PREX1: variants seen among roughly 807,000 people sequenced by gnomAD.
PREX1 encodes the protein phosphatidylinositol 3,4,5-trisphosphate-dependent Rac exchanger 1 protein.
A neutral mutation model predicts 198.3 loss-of-function variants in PREX1; 41 were observed. The ratio of observed to expected loss-of-function variants is 0.21; its 90% CI spans 0.16 to 0.27. The LOEUF is 0.27. PREX1 is among the 10% of genes least tolerant of loss of function. The pLI is 1.00. For synonymous variants in PREX1, 843 were observed against 887.2 expected (o/e 0.95, Z 0.89); for missense variants, 1,620 against 2,200.7 (o/e 0.74, Z 5.28).
intron 16 of PREX1, among the ~76,000 whole-genome samples, chr20:48,658,827 C>A (rs535715085): frequency 6.6e-6 from 1 of 152,148 alleles, no homozygotes; most frequent in Non-Finnish European, 1.5e-5. Flanking sequence ...GAGGCCTGAA[C>A]GAAATGAAAA....
At chr20:48,867,440 A>G in the PREX1 span, among the ~76,000 whole-genome samples, 1 of 152,238 alleles carries the variant, frequency 6.6e-6, no homozygotes, top group African/African-American at 2.4e-5. Context: ...CAGATCAGCT[A>G]TTCCCTCTCC....
At chr20:48,678,629 C>T (rs1317058079) in intron 13 of PREX1, among the ~76,000 whole-genome samples, 1 of 152,188 alleles carries the variant, frequency 6.6e-6, no homozygotes, top group Non-Finnish European at 1.5e-5. Flanking sequence ...GCAGTTCCCC[C>T]ATACTGTTCT....
chr20:48,665,215 G>A lies in PREX1; in HGVS notation c.1738+1068C>T, dbSNP rs552112681. ...CCTGAGTTCTAATCCTGCCCCAGACGGCCTGAATTATAATCCTGGCTCCAG... is the reference window on the plus strand; with the variant it reads ...CCTGAGTTCTAATCCTGCCCCAGACAGCCTGAATTATAATCCTGGCTCCAG... On this transcript the variant is annotated intron_variant, in intron 15 of 39. Coordinates refer to ENST00000371941, the MANE Select transcript of PREX1 (RefSeq NM_020820.4). Among the ~76,000 whole-genome samples, 5 of 142,864 alleles carry A rather than the reference G, an allele frequency of 3.5e-5. No homozygotes were observed. In the South Asian group the frequency reaches 6.8e-4, roughly 19 times the overall value. 93.7% of individuals were successfully genotyped at this position (142,864 alleles called of 152,430 possible).
intron 14 of PREX1, among the ~76,000 whole-genome samples, chr20:48,668,911 G>C (rs2089657534): frequency 6.6e-6 from 1 of 152,130 alleles, no homozygotes; most frequent in Admixed American, 6.5e-5. Flanking sequence ...GAGCCACCTG[G>C]CCTTCTGAGG....
At chr20:48,724,996 G>A (rs545762992) in intron 5 of PREX1, among the ~76,000 whole-genome samples, 73 of 152,320 alleles carry the variant, frequency 4.8e-4, no homozygotes, top group African/African-American at 1.7e-3. Flanking sequence ...GCAGACCAGA[G>A]GAGGCATGGG....
rs1468271795 is a variant in PREX1 at position 48,639,900 on chromosome 20, G to A, written c.3776-6C>T. 1 of 1,613,778 alleles carries A rather than the reference G, an allele frequency of 6.2e-7. No homozygotes were observed. The highest frequency in any genetic ancestry group is 1.1e-5 in the South Asian group (1 of 91,062). On this transcript the variant is annotated splice_region_variant and splice_polypyrimidine_tract_variant and intron_variant, in intron 29 of 39. Transcript: ENST00000371941. Reference sequence around the variant, plus strand: ...CTCTTCTTTCTGTTTAAACTCTGGGGCAGGAAAGTGGCATGAGGGCCAGGG... The same window carrying A: ...CTCTTCTTTCTGTTTAAACTCTGGGACAGGAAAGTGGCATGAGGGCCAGGG...
the PREX1 span, among the ~76,000 whole-genome samples, chr20:48,862,807 A>ATATATATATGTGTG: frequency 1.1e-4 from 14 of 126,692 alleles, no homozygotes; most frequent in East Asian, 6.2e-4. Context: ...ATATATATAT[A>ATATATATATGTGTG]TATATACTAA....
At chr20:48,713,042 T>C in intron 5 of PREX1, among the ~76,000 whole-genome samples, 1 of 152,080 alleles carries the variant, frequency 6.6e-6, no homozygotes, top group Non-Finnish European at 1.5e-5. Flanking sequence ...GAGAATCAGT[T>C]GAACCTGGGA....
At chr20:48,626,167 G>A (rs1005979823) in intron 39 of PREX1, among the ~76,000 whole-genome samples, 1 of 152,212 alleles carries the variant, frequency 6.6e-6, no homozygotes, top group Non-Finnish European at 1.5e-5. Context: ...GTGTCTACAG[G>A]TGCACGTGTG....
chr20:48,658,143 A>G lies in PREX1; in HGVS notation c.1967T>C (p.Leu656Pro). 2 of 1,613,552 alleles carry G rather than the reference A, an allele frequency of 1.2e-6. No homozygotes were observed. The highest frequency in any genetic ancestry group is 1.7e-4 in the Middle Eastern group (1 of 6,056). Residue 656 changes from leucine to proline, a missense_variant, in exon 17 of 40, where the codon CTG (leucine) becomes CCG (proline). Leu to Pro is a moderately conservative substitution (Grantham distance 98). Transcript: ENST00000371941. The part of the protein sequence containing the change: ...VVVKSVQRGS[L>P]AEVAGLQVGR... ...CTCCCCCGAGGGCCTCACCTCAGCC[A>G]GCGAGCCCCTCTGGACGGACTTCAC...
chr20:48,638,130 C>T (rs1358893779), intron 30 of PREX1, among the ~76,000 whole-genome samples: 4 of 152,152 alleles, frequency 2.6e-5, no homozygotes, highest in Admixed American at 6.5e-5. Flanking sequence ...TCAACAGACA[C>T]CCAAGTGCAT....
At chr20:48,630,700 C>T (rs201609680) in intron 36 of PREX1, 28 bp downstream of exon 36, 51 of 1,546,682 alleles carry the variant, frequency 3.3e-5, no homozygotes, top group Non-Finnish European at 4.3e-5. Context: ...GCCCAAGCTC[C>T]CTGCAGCAGG....
chr20:48,627,336 G>T (rs76039345), intron 39 of PREX1, among the ~76,000 whole-genome samples: 1 of 151,810 alleles, frequency 6.6e-6, no homozygotes, highest in Non-Finnish European at 1.5e-5. Context: ...ACCGCCTCAC[G>T]GCACACCTGG....
At chr20:48,746,705 T>G (rs2090109051) in intron 2 of PREX1, among the ~76,000 whole-genome samples, 1 of 152,082 alleles carries the variant, frequency 6.6e-6, no homozygotes. Context: ...AGACACGCAC[T>G]GCATTCAGCA....
At chr20:48,657,646 T>G (rs545482485) in intron 17 of PREX1, among the ~76,000 whole-genome samples, 23 of 152,162 alleles carry the variant, frequency 1.5e-4, no homozygotes, top group Non-Finnish European at 3.1e-4. Flanking sequence ...GCATTCCTAA[T>G]TGCCACAGGG....
intron 15 of PREX1, among the ~76,000 whole-genome samples, chr20:48,664,401 G>A (rs574992297): frequency 6.6e-6 from 1 of 151,182 alleles, no homozygotes; most frequent in African/African-American, 2.4e-5. Flanking sequence ...GAGAGAATCC[G>A]AGCTAGGAGC....
intron 14 of PREX1, 114 bp downstream of exon 14, chr20:48,676,079 T>C (rs2089706902): frequency 1.9e-6 from 2 of 1,051,744 alleles, no homozygotes; most frequent in East Asian, 2.4e-5. Flanking sequence ...TTTTATGTTC[T>C]GTGCAGTTTG....
At chr20:48,826,844 G>A (rs144489381) in intron 1 of PREX1, among the ~76,000 whole-genome samples, 1 of 152,244 alleles carries the variant, frequency 6.6e-6, no homozygotes, top group African/African-American at 2.4e-5. Flanking sequence ...GGGTGACTGA[G>A]GGAGACTCCG....
chr20:48,779,653 T>A (rs2090279451), intron 1 of PREX1, among the ~76,000 whole-genome samples: 1 of 151,938 alleles, frequency 6.6e-6, no homozygotes, highest in South Asian at 2.1e-4. Flanking sequence ...AACAAGGGAG[T>A]ACTACTCGGT....
Sources: allele counts gnomAD v4.1 joint callset (sites outside exome capture counted in the v4.1 genomes callset), GRCh38; gene constraint gnomAD v4.1.1; transcripts MANE v1.5; gene names NCBI Gene and HGNC (gene_info 2026-07-23, HGNC 2026-07-21).